RPGRIP1L: variants seen among roughly 807,000 people sequenced by gnomAD.
RPGRIP1L encodes the protein protein fantom.
In RPGRIP1L, 131 loss-of-function variants were observed where a neutral mutation model predicts 160.4. The ratio of observed to expected loss-of-function variants is 0.82; its 90% CI spans 0.71 to 0.94. The LOEUF (loss-of-function observed/expected upper bound fraction) is 0.94. RPGRIP1L is among the 40% of genes least tolerant of loss of function. The probability of loss-of-function intolerance (pLI) is 0.00; values close to 1 mark genes in which losing one functional copy is unlikely to be tolerated. For synonymous variants in RPGRIP1L, 510 were observed against 515.8 expected (o/e 0.99, Z 0.15); for missense variants, 1,522 against 1,535.8 (o/e 0.99, Z 0.15).
At chr16:53,669,643 G>T (rs1968550438) in intron 9 of RPGRIP1L, among the ~76,000 whole-genome samples, 1 of 152,004 alleles carries the variant, frequency 6.6e-6, no homozygotes, top group African/African-American at 2.4e-5. Context: ...TTTTCAAACT[G>T]GGGAGAAGTA....
rs1966826655 is a variant in RPGRIP1L, at chr16:53,649,846, CATAAGTTT to C, written c.2153-739_2153-732del. 2.0e-5 allele frequency among the ~76,000 whole-genome samples: 3 copies of C among 152,132 alleles called. No individual in the cohort carries two copies. In the South Asian group the frequency reaches 6.2e-4, roughly 31 times the overall value. On this transcript the variant is annotated intron_variant, in intron 15 of 26. Coordinates refer to ENST00000647211, the MANE Select transcript of RPGRIP1L (RefSeq NM_015272.5). Reference sequence around the variant, plus strand: ...TTACCAGCCTATTTCTCTAATACGCCATAAGTTTCTTGAGAGCAAGGGCCATAATTTCC... The same window carrying C: ...TTACCAGCCTATTTCTCTAATACGCCCTTGAGAGCAAGGGCCATAATTTCC...
At chr16:53,657,912 C>G (rs188487271) in intron 12 of RPGRIP1L, among the ~76,000 whole-genome samples, 1 of 152,084 alleles carries the variant, frequency 6.6e-6, no homozygotes, top group Admixed American at 6.5e-5. Flanking sequence ...ATAAAAGAAT[C>G]ATGTACATTT....
At chr16:53,698,737 C>T (rs1439105606) in intron 2 of RPGRIP1L, among the ~76,000 whole-genome samples, 3 of 149,078 alleles carry the variant, frequency 2.0e-5, no homozygotes, top group Non-Finnish European at 4.5e-5. Context: ...GCACCCCGCC[C>T]GGCCAGCCGC....
intron 22 of RPGRIP1L, among the ~76,000 whole-genome samples, chr16:53,629,580 T>C (rs746046420): frequency 6.6e-6 from 1 of 152,264 alleles, no homozygotes; most frequent in African/African-American, 2.4e-5. Flanking sequence ...AACAGTTCTT[T>C]TGCTATTATT....
chr16:53,604,280 G>A (rs1199063322), intron 26 of RPGRIP1L, among the ~76,000 whole-genome samples: 3 of 152,200 alleles, frequency 2.0e-5, no homozygotes, highest in Non-Finnish European at 4.4e-5. Context: ...ACATACCTAG[G>A]ACAAGCAGCT....
chr16:53,657,663 A>C, intron 12 of RPGRIP1L, 31 bp from the exon 13 acceptor site: 1 of 1,310,342 alleles, frequency 7.6e-7, no homozygotes, highest in Non-Finnish European at 1.1e-6. Flanking sequence ...TATGACTGAA[A>C]CAAAAATTTC....
intron 15 of RPGRIP1L, among the ~76,000 whole-genome samples, chr16:53,651,224 T>C (rs1966850383): frequency 6.6e-6 from 1 of 152,222 alleles, no homozygotes; most frequent in African/African-American, 2.4e-5. Context: ...TCCATTTCCC[T>C]CATTATCACA....
At chr16:53,684,897 AAAGAAACTATGAACAGAGT>A (rs1394238573) in intron 6 of RPGRIP1L, among the ~76,000 whole-genome samples, 40 of 152,270 alleles carry the variant, frequency 2.6e-4, no homozygotes, top group Admixed American at 2.2e-3. Context: ...CTGCACAGCA[AAAGAAACTATGAACAGAGT>A]AAACAGACAA....
rs138451677 is a variant in RPGRIP1L, at chr16:53,668,469, C to G, written c.1103+3041G>C. On this transcript the variant is annotated intron_variant, in intron 9 of 26. Transcript: ENST00000647211. Reference sequence around the variant, plus strand: ...GTTAATACCTCAAAATCACATTCAACAGATTTTTTTGGACCCAGTCTCAAA... The same window carrying G: ...GTTAATACCTCAAAATCACATTCAAGAGATTTTTTTGGACCCAGTCTCAAA... Among the ~76,000 whole-genome samples the G allele has an allele frequency of 1.7e-3, 265 of 152,242 alleles. 1 individual carries two copies. The highest frequency in any genetic ancestry group is 6.0e-3 in the African/African-American group (250 of 41,542).
At chr16:53,690,775 C>G (rs969840836) in intron 4 of RPGRIP1L, among the ~76,000 whole-genome samples, 9 of 152,168 alleles carry the variant, frequency 5.9e-5, no homozygotes, top group Admixed American at 2.6e-4. Context: ...CTCCTGATCT[C>G]TTATCTAAGC....
At chr16:53,673,355 G>T (rs1968900036) in intron 7 of RPGRIP1L, among the ~76,000 whole-genome samples, 1 of 152,038 alleles carries the variant, frequency 6.6e-6, no homozygotes, top group Non-Finnish European at 1.5e-5. Flanking sequence ...ACATTGGTTG[G>T]ACATGCTGTC....
intron 17 of RPGRIP1L, 100 bp downstream of exon 17, chr16:53,645,525 G>A: frequency 9.2e-7 from 1 of 1,086,148 alleles, no homozygotes; most frequent in Non-Finnish European, 1.3e-6. Context: ...AGACTGAGAA[G>A]AGGTTAGGGT....
intron 23 of RPGRIP1L, among the ~76,000 whole-genome samples, chr16:53,621,812 G>A (rs1964732644): frequency 6.6e-6 from 1 of 151,044 alleles, no homozygotes; most frequent in Admixed American, 6.6e-5. Flanking sequence ...CACGAGGTCA[G>A]GAGATCGAGA....
intron 23 of RPGRIP1L, among the ~76,000 whole-genome samples, chr16:53,621,647 C>T (rs1343456311): frequency 6.6e-6 from 1 of 152,076 alleles, no homozygotes; most frequent in Non-Finnish European, 1.5e-5. Flanking sequence ...ATTTTCCAAA[C>T]ATAAATTTTG....
In RPGRIP1L at chr16:53,601,068, T is replaced by C. The variant is rs1002868686; in HGVS notation, c.*1008A>G. 2.6e-5 allele frequency: 4 copies of C among 152,642 alleles called. No homozygotes were observed. Among genetic ancestry groups the C allele is most frequent in the Non-Finnish European group, 5.9e-5 (4 of 68,038 alleles). 9.5% of individuals were successfully genotyped at this position (152,642 alleles called of 1,614,324 possible). ...CTCTAGAGACAATTCCTTTGCAGCATTGATTCACAGCTCCATTAAAAATAT... is the reference window on the plus strand; with the variant it reads ...CTCTAGAGACAATTCCTTTGCAGCACTGATTCACAGCTCCATTAAAAATAT... On this transcript the variant is annotated 3_prime_UTR_variant, in exon 27 of 27. Transcript: ENST00000647211.
intron 8 of RPGRIP1L, among the ~76,000 whole-genome samples, chr16:53,672,036 G>A (rs971509802): frequency 3.3e-5 from 5 of 152,028 alleles, no homozygotes; most frequent in African/African-American, 4.8e-5. Flanking sequence ...AATTTACTCT[G>A]AAGATACAAT....
intron 25 of RPGRIP1L, among the ~76,000 whole-genome samples, chr16:53,607,462 T>C (rs1372098615): frequency 6.6e-6 from 1 of 152,204 alleles, no homozygotes; most frequent in Non-Finnish European, 1.5e-5. Flanking sequence ...AAAGAAGTTT[T>C]CCTAAAATGA....
chr16:53,686,368 G>C, intron 6 of RPGRIP1L, 65 bp downstream of exon 6: 5 of 1,481,492 alleles, frequency 3.4e-6, no homozygotes, highest in Non-Finnish European at 4.7e-6. Flanking sequence ...TCCTTTTATG[G>C]CACATGATAA....
At chr16:53,686,201 G>C (rs564098410) in intron 6 of RPGRIP1L, among the ~76,000 whole-genome samples, 1 of 152,120 alleles carries the variant, frequency 6.6e-6, no homozygotes, top group Admixed American at 6.5e-5. Context: ...ACAAGATGAG[G>C]GTGATTTCCA....
Sources: allele counts gnomAD v4.1 joint callset (sites outside exome capture counted in the v4.1 genomes callset), GRCh38; gene constraint gnomAD v4.1.1; transcripts MANE v1.5; gene names NCBI Gene and HGNC (gene_info 2026-07-23, HGNC 2026-07-21).